Variants in ZNF366 observed in about 807,000 individuals in gnomAD.
ZNF366 encodes dendritic cell-specific transcript protein.
Under a neutral mutation model 47.2 loss-of-function variants are expected in ZNF366, and 20 were observed. That is an observed-to-expected ratio of 0.42 (90% CI 0.30 to 0.62). ZNF366 has a LOEUF of 0.62. Ranked by LOEUF, ZNF366 falls within the 20% of genes least tolerant of loss-of-function variation. ZNF366 has a pLI of 0.16. For synonymous variants in ZNF366, 421 were observed against 395.1 expected (o/e 1.07, Z -0.78); for missense variants, 987 against 976.3 (o/e 1.01, Z -0.15).
Position 72,461,112 on chromosome 5 carries a change from T to G in ZNF366, c.385A>C (p.Ile129Leu). 1 of 1,613,994 alleles carries G rather than the reference T, an allele frequency of 6.2e-7. No individual in the cohort carries two copies. Among genetic ancestry groups the G allele is most frequent in the Admixed American group, 1.7e-5 (1 of 60,014 alleles). ...TGGAAGCCCACGTTGCACAGGTCGA[T>G]CATCTGAGAGTCATACTTGGGGCGC... The part of the protein sequence containing the change: ...PPRPKYDSQM[I>L]DLCNVGFQFY... The change falls in exon 2 of 5, where the codon ATC (isoleucine) becomes CTC (leucine). Residue 129 changes from isoleucine (I) to leucine (L), a missense_variant. Ile to Leu is a conservative substitution (Grantham distance 5, BLOSUM62 2). Around this residue, in one of 3 missense-constraint regions of ZNF366, gnomAD observed 591 missense variants for 560.9 expected, o/e 1.05. Transcript: ENST00000318442.
At chr5:72,456,292 A>T in intron 3 of ZNF366, 112 bp downstream of exon 3, 1 of 1,237,002 alleles carries the variant, frequency 8.1e-7, no homozygotes, top group Non-Finnish European at 1.1e-6. Context: ...CCACGGACCT[A>T]CTCTGAGCCC....
chr5:72,481,625 T>C (rs1043131227), intron 1 of ZNF366, among the ~76,000 whole-genome samples: 3 of 152,236 alleles, frequency 2.0e-5, no homozygotes, highest in Non-Finnish European at 4.4e-5. Flanking sequence ...ATCAACCTAA[T>C]TTATACTTAT....
intron 1 of ZNF366, among the ~76,000 whole-genome samples, chr5:72,492,327 A>G (rs1281970650): frequency 1.3e-5 from 2 of 152,220 alleles, no homozygotes; most frequent in African/African-American, 4.8e-5. Flanking sequence ...GGGCCTCCCC[A>G]ACATGGAGTG....
intron 2 of ZNF366, among the ~76,000 whole-genome samples, chr5:72,457,172 A>G (rs1436968933): frequency 2.0e-5 from 3 of 152,146 alleles, no homozygotes; most frequent in Non-Finnish European, 4.4e-5. Context: ...CCACAATGAC[A>G]TGGTTATGGA....
chr5:72,446,823 C>T (rs1742970853), intron 4 of ZNF366, among the ~76,000 whole-genome samples: 1 of 152,208 alleles, frequency 6.6e-6, no homozygotes. Flanking sequence ...AAAGGCTGCA[C>T]AGTCAGAAAG....
intron 1 of ZNF366, among the ~76,000 whole-genome samples, chr5:72,462,701 C>A (rs1487187496): frequency 6.6e-6 from 1 of 151,822 alleles, no homozygotes; most frequent in Non-Finnish European, 1.5e-5. Context: ...CAGGTGTGCG[C>A]CACCACGCCC....
Position 72,444,258 on chromosome 5 carries a change from G to C in ZNF366, c.1733C>G (p.Thr578Arg). The C allele has an allele frequency of 1.9e-6, 3 of 1,613,156 alleles. No homozygotes were observed. The highest frequency in any genetic ancestry group is 2.5e-6 in the Non-Finnish European group (3 of 1,179,834). The change falls in exon 5 of 5, where the codon ACA becomes AGA. Residue 578 changes from threonine to arginine, a missense_variant. Transcript: ENST00000318442. ...CTCCAGACTCCTCAGGACACCGGCTGTCTGTGCCAGGGCGATTCTCCCCCT... is the reference window on the plus strand; with the variant it reads ...CTCCAGACTCCTCAGGACACCGGCTCTCTGTGCCAGGGCGATTCTCCCCCT... Reference protein sequence around the residue: ...LGRGRIALAQTAGVLRSLEQE... With the variant: ...LGRGRIALAQRAGVLRSLEQE...
intron 3 of ZNF366, among the ~76,000 whole-genome samples, chr5:72,454,992 G>A (rs1288296796): frequency 1.3e-5 from 2 of 152,228 alleles, no homozygotes; most frequent in Non-Finnish European, 2.9e-5. Flanking sequence ...TTAACTCCTG[G>A]TAATGTTTGA....
chr5:72,476,752 C>T (rs547750339), intron 1 of ZNF366, among the ~76,000 whole-genome samples: 59 of 152,190 alleles, frequency 3.9e-4, no homozygotes, highest in Admixed American at 8.5e-4. Flanking sequence ...GAGCCCTGAG[C>T]GGAAGACTTC....
chr5:72,460,862 A>G lies in ZNF366; in HGVS notation c.635T>C (p.Leu212Pro), dbSNP rs758313832. ...TFLPKQPPEP[L>P]LPRKAEPQES... ...CTGGGGCTCGGCTTTCCGGGGCAGC[A>G]GAGGTTCCGGGGGCTGCTTGGGCAG... is the stretch of plus-strand genomic sequence containing the variant. Residue 212 changes from leucine (L) to proline (P), a missense_variant, in exon 2 of 5, where the codon CTG becomes CCG. Transcript: ENST00000318442. 1 of 1,614,020 alleles carries G rather than the reference A, an allele frequency of 6.2e-7. No homozygotes were observed. The highest frequency in any genetic ancestry group is 1.3e-5 in the African/African-American group (1 of 75,034).
chr5:72,458,375 C>G (rs1466962532), intron 2 of ZNF366, among the ~76,000 whole-genome samples: 1 of 152,134 alleles, frequency 6.6e-6, no homozygotes, highest in African/African-American at 2.4e-5. Context: ...TGTCCTGAAA[C>G]CAAGGAGACG....
At chr5:72,478,559 A>G (rs1743722081) in intron 1 of ZNF366, among the ~76,000 whole-genome samples, 2 of 152,216 alleles carry the variant, frequency 1.3e-5, no homozygotes, top group East Asian at 1.9e-4. Flanking sequence ...TGAACTGCAC[A>G]GCTCACCTTG....
chr5:72,493,063 T>C (rs2112352644), intron 1 of ZNF366, among the ~76,000 whole-genome samples: 1 of 152,298 alleles, frequency 6.6e-6, no homozygotes, highest in South Asian at 2.1e-4. Flanking sequence ...CAAAAGCAAC[T>C]GTCTTAATTG....
chr5:72,462,547 C>CTTTCTTTCTTTCTTTTTTTCTTTCT (rs11275151), intron 1 of ZNF366, among the ~76,000 whole-genome samples: 2 of 78,916 alleles, frequency 2.5e-5, no homozygotes, highest in Admixed American at 1.4e-4. Flanking sequence ...TTCTTTCTTT[C>CTTTCTTTCTTTCTTTTTTTCTTTCT]TTTTTTTTTT....
chr5:72,446,382 C>A (rs1292089989), intron 4 of ZNF366, among the ~76,000 whole-genome samples: 1 of 152,216 alleles, frequency 6.6e-6, no homozygotes, highest in Non-Finnish European at 1.5e-5. Context: ...GGCAGATGGT[C>A]TCCTTCCCCT....
chr5:72,476,815 G>T (rs186120834), intron 1 of ZNF366, among the ~76,000 whole-genome samples: 14 of 152,220 alleles, frequency 9.2e-5, no homozygotes, highest in African/African-American at 3.1e-4. Flanking sequence ...AGCTGGGTTG[G>T]AGATACGGCT....
At chr5:72,497,414 A>C in intron 1 of ZNF366, among the ~76,000 whole-genome samples, 1 of 152,124 alleles carries the variant, frequency 6.6e-6, no homozygotes, top group East Asian at 1.9e-4. Flanking sequence ...CCCCTCATTG[A>C]CACCTTTGTC....
chr5:72,448,406 T>C (rs1332636998), intron 3 of ZNF366, among the ~76,000 whole-genome samples: 2 of 152,336 alleles, frequency 1.3e-5, no homozygotes, highest in South Asian at 2.1e-4. Context: ...ATTTTGTATA[T>C]GCAGAAAGCG....
intron 1 of ZNF366, among the ~76,000 whole-genome samples, chr5:72,479,503 AT>A (rs1178328335): frequency 6.6e-6 from 1 of 152,182 alleles, no homozygotes; most frequent in Non-Finnish European, 1.5e-5. Flanking sequence ...AACCAAAAAA[AT>A]TTTTTTCAAC....
Sources: gnomAD v4.1 joint callset for allele counts (sites outside exome capture counted in the v4.1 genomes callset) on GRCh38, gnomAD v4.1.1 for gene constraint, gnomAD v4.1.1 regional missense constraint, MANE v1.5 for transcripts, NCBI Gene and HGNC (gene_info 2026-07-23, HGNC 2026-07-21) for gene names.